Variants in GGA1 observed in about 807,000 individuals in gnomAD.
GGA1 encodes the protein ADP-ribosylation factor-binding protein GGA1.
In GGA1, 18 loss-of-function variants were observed where a neutral mutation model predicts 76.9. That is an observed-to-expected ratio of 0.23 (90% confidence interval 0.16 to 0.35). The LOEUF (loss-of-function observed/expected upper bound fraction) is 0.35, where lower values mean the gene tolerates loss of function less well. GGA1 is among the 10% of genes least tolerant of loss of function. The pLI, the probability that GGA1 is intolerant of heterozygous loss-of-function variation, is 1.00. For missense variants in GGA1, 755 were observed against 859.0 expected (o/e 0.88, Z 1.51); for synonymous variants, 342 against 354.7 (o/e 0.96, Z 0.40).
chr22:37,616,044 G>A (rs1323748596), intron 2 of GGA1, among the ~76,000 whole-genome samples: 3 of 151,930 alleles, frequency 2.0e-5, no homozygotes, highest in Admixed American at 6.6e-5. Context: ...GGGTTTCACC[G>A]TGTTAGCCAG....
rs1932011202 is a variant in GGA1 at position 37,632,539 on chromosome 22, G to A, written c.1809+24G>A. 6.3e-7 allele frequency: 1 copy of A among 1,585,126 alleles called. No homozygotes were observed. Among genetic ancestry groups the A allele is most frequent in the East Asian group, 2.2e-5 (1 of 44,720 alleles). Reference sequence around the variant, plus strand: ...AGGTAAGGGGCCCCCAGGCAGTGCTGCAGGGTGGGGACGGCCACTTCTCCT... The same window carrying A: ...AGGTAAGGGGCCCCCAGGCAGTGCTACAGGGTGGGGACGGCCACTTCTCCT... On this transcript the variant is annotated intron_variant, in intron 16 of 16. Transcript: ENST00000343632. This position sits in a 1 kb window ranked among gnomAD's most constrained non-coding sequence, Gnocchi z 5.1.
rs537847025 is a variant in GGA1 at position 37,616,890 on chromosome 22, G to A, written c.129-32G>A. 4.1e-5 allele frequency: 64 copies of A among 1,568,538 alleles called. 1 individual carries two copies. Among genetic ancestry groups the A allele is most frequent in the Admixed American group, 2.9e-4 (15 of 52,398 alleles). ...CCTAGGGTGACCGGGACTCCGTGGC[G>A]ACTCTGGCTCTGTGTTGTTCCTCCC... On this transcript the variant is annotated intron_variant, in intron 2 of 16. Coordinates refer to ENST00000343632, the MANE Select transcript of GGA1 (RefSeq NM_013365.5).
chr22:37,613,062 C>T, intron 1 of GGA1: 1 of 985,332 alleles, frequency 1.0e-6, no homozygotes, highest in Non-Finnish European at 1.2e-6. Context: ...GGATGCAGTG[C>T]CGTAGCAGGC....
chr22:37,626,157 G>A, intron 11 of GGA1: 1 of 405,542 alleles, frequency 2.5e-6, no homozygotes. Flanking sequence ...AGAGGGTGAG[G>A]CTGGCAACCT....
At chr22:37,617,023 G>C (rs367961742) in intron 3 of GGA1, 26 bp downstream of exon 3, 8 of 1,581,134 alleles carry the variant, frequency 5.1e-6, no homozygotes, top group Non-Finnish European at 6.9e-6. Flanking sequence ...GCCACCATCC[G>C]TCCCCCGCCA....
At chr22:37,612,711 T>C (rs2145881375) in intron 1 of GGA1, 1 of 156,158 alleles carries the variant, frequency 6.4e-6, no homozygotes, top group East Asian at 1.9e-4. Context: ...GAGGCGGAGC[T>C]TGCAGTGAGC....
rs1283386110 is a variant in GGA1 at position 37,632,084 on chromosome 22, C to T, written c.1617C>T (p.Asp539=). ...GGGACCCACTGCCAGGGCGCTCCGA[C>T]GTGCTGGTGGTGGTGGTTTCCATGC... The part of the protein sequence containing the change: ...FARDPLPGRS[D]VLVVVVSMLS... The change falls in exon 15 of 17, where the codon GAC becomes GAT. Residue 539 remains aspartate (D), a synonymous_variant. Transcript: ENST00000343632. The surrounding 1 kb of genome is among the most constrained non-coding windows in gnomAD (Gnocchi z 5.1). The T allele has an allele frequency of 5.0e-6, 8 of 1,613,678 alleles. No individual in the cohort carries two copies. The highest frequency in any genetic ancestry group is 1.3e-5 in the African/African-American group (1 of 74,936).
intron 1 of GGA1, chr22:37,610,776 C>G (rs921478390): frequency 6.6e-6 from 1 of 152,318 alleles, no homozygotes; most frequent in East Asian, 1.9e-4. Context: ...CCCTCCCTCT[C>G]TAGGTGTTCT....
intron 1 of GGA1, among the ~76,000 whole-genome samples, chr22:37,611,779 A>G (rs1471403900): frequency 6.6e-6 from 1 of 152,200 alleles, no homozygotes; most frequent in Non-Finnish European, 1.5e-5. Flanking sequence ...TGGTCCTTAG[A>G]GGTGGGCTGT....
At chr22:37,621,542 C>A in intron 6 of GGA1, 74 bp from the exon 7 acceptor site, 1 of 877,578 alleles carries the variant, frequency 1.1e-6, no homozygotes, top group South Asian at 1.5e-5. Context: ...AAGCGGGGAG[C>A]CATCATGTGA....
chr22:37,632,451 C>T lies in GGA1; in HGVS notation c.1745C>T (p.Ala582Val), dbSNP rs1279543857. The T allele has an allele frequency of 3.1e-6, 5 of 1,613,904 alleles. No individual in the cohort carries two copies. Among genetic ancestry groups the T allele is most frequent in the Middle Eastern group, 1.6e-4 (1 of 6,084 alleles). The change falls in exon 16 of 17, where the codon GCT (alanine) becomes GTT (valine). Residue 582 changes from alanine to valine, a missense_variant. Coordinates refer to ENST00000343632, the MANE Select transcript of GGA1 (RefSeq NM_013365.5). The surrounding 1 kb of genome is among the most constrained non-coding windows in gnomAD (Gnocchi z 5.1). ...LQPPSGTELP[A>V]FNPIVHPSAI... Reference sequence around the variant, plus strand: ...CCACCCTCGGGCACGGAGCTGCCAGCTTTTAACCCCATCGTCCACCCCTCA... The same window carrying T: ...CCACCCTCGGGCACGGAGCTGCCAGTTTTTAACCCCATCGTCCACCCCTCA...
chr22:37,621,676 A>G lies in GGA1; in HGVS notation c.589A>G (p.Ile197Val). ...PEDLRAANKL[I>V]KEMVQEDQKR... ...AGACCTCCGCGCAGCCAATAAGCTC[A>G]TCAAAGAGATGGTGCAGGAGGTAGC... Residue 197 changes from isoleucine (I) to valine (V), a missense_variant, in exon 7 of 17, where the codon ATC becomes GTC. By Grantham distance (29) the Ile-to-Val change is conservative (BLOSUM62 3). Transcript: ENST00000343632. 6.4e-7 allele frequency: 1 copy of G among 1,553,126 alleles called. No homozygotes were observed. Among genetic ancestry groups the G allele is most frequent in the Non-Finnish European group, 8.7e-7 (1 of 1,146,366 alleles).
At position 37,628,558 on chromosome 22, in the gene GGA1, C is replaced by G. The variant is rs1931248440; in HGVS notation, c.1094-904C>G. 2.0e-5 allele frequency among the ~76,000 whole-genome samples: 3 copies of G among 152,182 alleles called. No individual in the cohort carries two copies. In the South Asian group the frequency reaches 6.2e-4, roughly 32 times the overall value. ...TTATCCCTAAAAGAGGGCTGAGAAGCTCACCCCTACCTTTGAAGGTTGTTT... is the reference window on the plus strand; with the variant it reads ...TTATCCCTAAAAGAGGGCTGAGAAGGTCACCCCTACCTTTGAAGGTTGTTT... On this transcript the variant is annotated intron_variant, in intron 11 of 16. Coordinates refer to ENST00000343632, the MANE Select transcript of GGA1 (RefSeq NM_013365.5).
intron 1 of GGA1, among the ~76,000 whole-genome samples, chr22:37,611,754 C>T (rs550020026): frequency 6.6e-6 from 1 of 152,330 alleles, no homozygotes; most frequent in South Asian, 2.1e-4. Flanking sequence ...GTGGGCAGAA[C>T]TGGCTGGGAA....
intron 4 of GGA1, among the ~76,000 whole-genome samples, chr22:37,619,379 A>ATTT (rs1318301803): frequency 2.8e-5 from 3 of 108,048 alleles, no homozygotes; most frequent in Non-Finnish European, 5.8e-5. Flanking sequence ...TACCGTGAAC[A>ATTT]TTTTTTTTTT....
At position 37,620,309 on chromosome 22, in the gene GGA1, C is replaced by A. The variant is rs376212972; in HGVS notation, c.375C>A (p.Gly125=). The A allele has an allele frequency of 8.1e-6, 13 of 1,613,860 alleles. No homozygotes were observed. In the African/African-American group the frequency reaches 1.7e-4, roughly 22 times the overall value. ...ILELLYSWTV[G]LPEEVKIAEA... is the part of the protein sequence containing the mutation. ...AGCTCCTCTACAGCTGGACAGTGGGCCTGCCCGAGGAGGTGAAAATCGCAG... is the reference window on the plus strand; with the variant it reads ...AGCTCCTCTACAGCTGGACAGTGGGACTGCCCGAGGAGGTGAAAATCGCAG... Residue 125 remains glycine (G), a synonymous_variant, in exon 5 of 17, where the codon GGC becomes GGA. Coordinates refer to ENST00000343632, the MANE Select transcript of GGA1 (RefSeq NM_013365.5).
At position 37,620,264 on chromosome 22, in the gene GGA1, G is replaced by A; in HGVS notation, c.330G>A (p.Lys110=). ...ATCTGGGCTCTCGGACATCGGAGAA[G>A]GTGAAGAACAAGATCTTGGAGCTCC... ...PKYLGSRTSE[K]VKNKILELLY... Residue 110 remains lysine, a synonymous_variant, in exon 5 of 17, where the codon AAG becomes AAA. Transcript: ENST00000343632. 6.2e-7 allele frequency: 1 copy of A among 1,614,042 alleles called. No homozygotes were observed. Among genetic ancestry groups the A allele is most frequent in the Non-Finnish European group, 8.5e-7 (1 of 1,179,944 alleles).
chr22:37,615,970 A>T (rs1928714281), intron 2 of GGA1, among the ~76,000 whole-genome samples: 1 of 151,564 alleles, frequency 6.6e-6, no homozygotes, highest in South Asian at 2.1e-4. Context: ...CCTCCCCAGC[A>T]GCTGGGACTA....
At chr22:37,620,391 A>AGG (rs747376324) in intron 5 of GGA1, 30 bp downstream of exon 5, 1 of 1,612,568 alleles carries the variant, frequency 6.2e-7, no homozygotes, top group Non-Finnish European at 8.5e-7. Flanking sequence ...GGGGGCGACC[A>AGG]GGGCCTGCCT....
Sources: allele counts gnomAD v4.1 joint callset (sites outside exome capture counted in the v4.1 genomes callset), GRCh38; gene constraint gnomAD v4.1.1; non-coding constraint Gnocchi (gnomAD v3.1); transcripts MANE v1.5; gene names NCBI Gene and HGNC (gene_info 2026-07-23, HGNC 2026-07-21).